The following DLG2 variants were observed in gnomAD, a reference collection of about 807,000 sequenced individuals.
DLG2 encodes discs large MAGUK scaffold protein 2, also known as disks large homolog 2.
A neutral mutation model predicts 132.5 loss-of-function variants in DLG2; 45 were observed. That is an observed-to-expected ratio of 0.34 (90% CI 0.27 to 0.44). The LOEUF is 0.44. Among genes scored for constraint, DLG2 ranks in the 20% least tolerant of loss-of-function variants. The pLI, the probability that DLG2 is intolerant of heterozygous loss-of-function variation, is 1.00. For missense variants in DLG2, 1,045 were observed against 1,196.9 expected (o/e 0.87, Z 1.87); for synonymous variants, 424 against 419.6 (o/e 1.01, Z -0.13).
At chr11:85,128,788 T>C (rs2075404458) in intron 5 of DLG2, among the ~76,000 whole-genome samples, 1 of 152,154 alleles carries the variant, frequency 6.6e-6, no homozygotes, top group Non-Finnish European at 1.5e-5. Flanking sequence ...TATTGGATTG[T>C]GTTTAGCCAG....
chr11:84,353,096 C>T (rs1219348460), intron 7 of DLG2, among the ~76,000 whole-genome samples: 1 of 152,112 alleles, frequency 6.6e-6, no homozygotes, highest in Non-Finnish European at 1.5e-5. Flanking sequence ...TGTCTCCCTC[C>T]TATTTGCAAA....
intron 10 of DLG2, among the ~76,000 whole-genome samples, chr11:84,090,414 C>CAAAAA (rs397848695): frequency 1.7e-4 from 13 of 78,596 alleles, no homozygotes; most frequent in East Asian, 3.8e-4. Flanking sequence ...GATTTCATCT[C>CAAAAA]AAAAAAAAAA....
chr11:85,386,040 G>A (rs542268154), intron 3 of DLG2, among the ~76,000 whole-genome samples: 1 of 152,126 alleles, frequency 6.6e-6, no homozygotes, highest in East Asian at 1.9e-4. Context: ...TTTTCTTTAA[G>A]AGAAAAACAG....
intron 3 of DLG2, among the ~76,000 whole-genome samples, chr11:85,544,719 G>A (rs1461311723): frequency 6.6e-6 from 1 of 152,180 alleles, no homozygotes; most frequent in Non-Finnish European, 1.5e-5. Flanking sequence ...TCCCTTGTAA[G>A]TTGGATTCCT....
At position 85,163,494 on chromosome 11, in the gene DLG2, C is replaced by G. The variant is rs189808748; in HGVS notation, c.187-8843G>C. 1.7e-3 allele frequency among the ~76,000 whole-genome samples: 261 copies of G among 152,088 alleles called. 1 individual carries two copies. Among genetic ancestry groups the G allele is most frequent in the African/African-American group, 6.2e-3 (256 of 41,474 alleles). On this transcript the variant is annotated intron_variant, in intron 4 of 27. Transcript: ENST00000376104. ...TAGACTGTGGAATCATGAAGGCTTC[C>G]TGAAAGATGTAACATTGAAATAATA...
chr11:85,007,179 G>C (rs774894512), intron 6 of DLG2, among the ~76,000 whole-genome samples: 2 of 133,040 alleles, frequency 1.5e-5, no homozygotes, highest in African/African-American at 6.1e-5. Context: ...TTATACTTGA[G>C]TGACTTTGAG....
chr11:85,611,730 A>G (rs1345125736), intron 2 of DLG2, among the ~76,000 whole-genome samples: 2 of 152,378 alleles, frequency 1.3e-5, no homozygotes, highest in East Asian at 3.9e-4. Flanking sequence ...CTATGCTACA[A>G]TATGGAAAGA....
intron 3 of DLG2, among the ~76,000 whole-genome samples, chr11:85,383,535 T>TA (rs1255431853): frequency 6.6e-6 from 1 of 152,180 alleles, no homozygotes; most frequent in Non-Finnish European, 1.5e-5. Flanking sequence ...AACATTTGCC[T>TA]AAAAGGAGTT....
chr11:84,028,196 A>G (rs1016173563), intron 11 of DLG2, among the ~76,000 whole-genome samples: 13 of 152,118 alleles, frequency 8.5e-5, no homozygotes, highest in Admixed American at 2.6e-4. Flanking sequence ...ATAATAATGT[A>G]CAGAGTCAAA....
intron 20 of DLG2, among the ~76,000 whole-genome samples, chr11:83,540,593 G>A (rs753449237): frequency 6.6e-6 from 1 of 152,184 alleles, no homozygotes; most frequent in Non-Finnish European, 1.5e-5. Flanking sequence ...AGAGAGAAGA[G>A]AGGATCAGTT....
chr11:85,369,462 C>A (rs1373256250), intron 3 of DLG2, among the ~76,000 whole-genome samples: 1 of 152,002 alleles, frequency 6.6e-6, no homozygotes, highest in African/African-American at 2.4e-5. Flanking sequence ...AGCAGTTAAC[C>A]TTTAACTTTT....
chr11:85,169,432 A>T (rs2078688961), intron 4 of DLG2, among the ~76,000 whole-genome samples: 1 of 152,192 alleles, frequency 6.6e-6, no homozygotes, highest in Admixed American at 6.5e-5. Flanking sequence ...GCACATACAA[A>T]CTATGTATGA....
intron 6 of DLG2, among the ~76,000 whole-genome samples, chr11:84,908,207 A>G (rs1403372973): frequency 5.9e-5 from 9 of 152,302 alleles, no homozygotes; most frequent in Non-Finnish European, 1.3e-4. Flanking sequence ...AAAAAAGTGG[A>G]AAAAAAGAGG....
chr11:85,530,334 T>G (rs527790710), intron 3 of DLG2, among the ~76,000 whole-genome samples: 149 of 149,052 alleles, frequency 1.0e-3, no homozygotes, highest in African/African-American at 3.5e-3. Flanking sequence ...TTTATTTTTT[T>G]TTTTGAGACA....
intron 3 of DLG2, among the ~76,000 whole-genome samples, chr11:85,468,530 T>C (rs1013275226): frequency 6.6e-6 from 1 of 152,254 alleles, no homozygotes; most frequent in Non-Finnish European, 1.5e-5. Flanking sequence ...CTCATTGGTT[T>C]CAAAGATCAT....
chr11:85,053,725 C>T (rs1274733050), intron 6 of DLG2, among the ~76,000 whole-genome samples: 6 of 147,642 alleles, frequency 4.1e-5, no homozygotes, highest in Non-Finnish European at 6.0e-5. Flanking sequence ...TGGCGTGAAC[C>T]CAGGAGGCAG....
At chr11:84,256,870 C>T (rs961341691) in intron 7 of DLG2, among the ~76,000 whole-genome samples, 1 of 152,030 alleles carries the variant, frequency 6.6e-6, no homozygotes, top group African/African-American at 2.4e-5. Flanking sequence ...ATCCCAGAAC[C>T]TCAAGGTAAA....
Position 84,106,964 on chromosome 11 carries a change from G to A in DLG2, c.625-7917C>T, listed in dbSNP as rs2092989777. On this transcript the variant is annotated intron_variant, in intron 9 of 27. Transcript: ENST00000376104. ...TGTGTGAGAGAGAGAAAGAGAGAGA[G>A]AGTTTTAGCCTTAGGGTGTGTGTGT... is the stretch of plus-strand genomic sequence containing the variant. 7.8e-5 allele frequency among the ~76,000 whole-genome samples: 7 copies of A among 89,640 alleles called. No individual in the cohort carries two copies. The South Asian group carries it at 2.8e-3, about 36-fold the overall frequency. The allele number at this position is 89,640 out of a possible 152,430, so 58.8% of individuals were successfully genotyped here.
intron 4 of DLG2, among the ~76,000 whole-genome samples, chr11:85,160,662 G>T (rs558002177): frequency 6.6e-6 from 1 of 152,044 alleles, no homozygotes; most frequent in Non-Finnish European, 1.5e-5. Context: ...ATGTCTTGAC[G>T]GCACAAGTAA....
Sources: allele counts gnomAD v4.1 joint callset (sites outside exome capture counted in the v4.1 genomes callset), GRCh38; gene constraint gnomAD v4.1.1; transcripts MANE v1.5; gene names NCBI Gene and HGNC (gene_info 2026-07-23, HGNC 2026-07-21).